The following SYNE1 variants were observed in gnomAD, a reference collection of about 807,000 sequenced individuals.
SYNE1 encodes the protein nesprin-1.
SYNE1 carries 616 observed loss-of-function variants against 1,111.0 expected under a neutral mutation model. The observed-to-expected ratio is 0.55, with a 90% CI of 0.52 to 0.59. The LOEUF (loss-of-function observed/expected upper bound fraction) is 0.59, where lower values mean the gene tolerates loss of function less well. Ranked by LOEUF, SYNE1 falls within the 20% of genes least tolerant of loss-of-function variation. SYNE1 has a pLI of 0.00. For missense variants in SYNE1, 10,006 were observed against 10,417.0 expected, an observed-to-expected ratio of 0.96 and a Z score of 1.72; for synonymous variants, 3,855 against 3,825.8, an observed-to-expected ratio of 1.01 and a Z score of -0.28.
chr6:152,393,023 G>A (rs976333362), intron 51 of SYNE1, among the ~76,000 whole-genome samples: 3 of 152,206 alleles, frequency 2.0e-5, no homozygotes, highest in African/African-American at 7.2e-5. Flanking sequence ...GAGCAGAACA[G>A]TGTGTTAGGA....
chr6:152,313,468 T>C (rs1261764258), intron 87 of SYNE1, among the ~76,000 whole-genome samples: 2 of 150,128 alleles, frequency 1.3e-5, no homozygotes, highest in African/African-American at 2.5e-5. Context: ...TCTTTTCTTT[T>C]TTTTTTTTTT....
chr6:152,605,796 G>C (rs1236811009), intron 3 of SYNE1, among the ~76,000 whole-genome samples: 2 of 152,010 alleles, frequency 1.3e-5, no homozygotes, highest in African/African-American at 2.4e-5. Flanking sequence ...TGTGATTAAG[G>C]CTTGGTGTTT....
chr6:152,589,792 C>T (rs1332567384), intron 3 of SYNE1, among the ~76,000 whole-genome samples: 1 of 152,098 alleles, frequency 6.6e-6, no homozygotes, highest in Non-Finnish European at 1.5e-5. Context: ...ACTACTTTAG[C>T]AAACCTTAGC....
At chr6:152,520,648 A>T in intron 5 of SYNE1, 106 bp from the exon 6 acceptor site, 1 of 1,252,426 alleles carries the variant, frequency 8.0e-7, no homozygotes, top group Non-Finnish European at 1.1e-6. Flanking sequence ...AGAATATTCA[A>T]AAGCAACCAA....
chr6:152,382,258 T>C (rs2097432128), intron 55 of SYNE1, among the ~76,000 whole-genome samples: 1 of 152,128 alleles, frequency 6.6e-6, no homozygotes, highest in African/African-American at 2.4e-5. Context: ...AATTATGACT[T>C]TACTACCGGA....
At chr6:152,625,607 T>C (rs1409950393) in intron 3 of SYNE1, among the ~76,000 whole-genome samples, 1 of 152,218 alleles carries the variant, frequency 6.6e-6, no homozygotes, top group Non-Finnish European at 1.5e-5. Flanking sequence ...CTTCTAACTT[T>C]GTCAGGTACC....
chr6:152,424,354 C>T (rs936814533), intron 39 of SYNE1, among the ~76,000 whole-genome samples: 3 of 152,350 alleles, frequency 2.0e-5, no homozygotes, highest in East Asian at 1.9e-4. Context: ...TGCCTTCACA[C>T]ATTGGTATCA....
chr6:152,314,958 C>T (rs1337082500), intron 87 of SYNE1, among the ~76,000 whole-genome samples: 2 of 139,278 alleles, frequency 1.4e-5, no homozygotes, highest in Non-Finnish European at 3.2e-5. Flanking sequence ...CGCCACTGAG[C>T]TACAGCCTGG....
chr6:152,558,001 A>G (rs1400610390), intron 3 of SYNE1, among the ~76,000 whole-genome samples: 1 of 152,186 alleles, frequency 6.6e-6, no homozygotes, highest in African/African-American at 2.4e-5. Context: ...TAAAGCTACA[A>G]CAATTTGTTA....
chr6:152,449,551 C>A lies in SYNE1; in HGVS notation c.3486G>T (p.Glu1162Asp), dbSNP rs1196776351. The A allele has an allele frequency of 1.9e-6, 3 of 1,613,926 alleles. No homozygotes were observed. The highest frequency in any genetic ancestry group is 4.5e-5 in the East Asian group (2 of 44,890). Residue 1162 changes from glutamate (E) to aspartate (D), a missense_variant, in exon 28 of 146, where the codon GAG (glutamate) becomes GAT (aspartate). Physicochemically the swap from Glu to Asp is conservative, Grantham distance 45 (BLOSUM62 2). Transcript: ENST00000367255. Reference protein sequence around the residue: ...GEAIDTANHGEVKRAVEEIRN... With the variant: ...GEAIDTANHGDVKRAVEEIRN... The stretch of plus-strand genomic sequence containing the variant: ...AACTTACTTCAACGGCACGTTTAAC[C>A]TCTCCGTGGTTGGCAGTATCGATGG...
intron 63 of SYNE1, among the ~76,000 whole-genome samples, chr6:152,363,386 C>G (rs930431518): frequency 6.7e-6 from 1 of 149,864 alleles, no homozygotes; most frequent in Non-Finnish European, 1.5e-5. Flanking sequence ...ACCAGCTACT[C>G]GAGAGGCTGA....
At chr6:152,409,019 G>A (rs543726195) in intron 44 of SYNE1, 49 bp downstream of exon 44, 45 of 1,577,362 alleles carry the variant, frequency 2.9e-5, no homozygotes, top group Non-Finnish European at 3.6e-5. Context: ...ATTTGATTGG[G>A]GAATGTGAAT....
At chr6:152,431,281 G>T (rs1403317601) in intron 34 of SYNE1, among the ~76,000 whole-genome samples, 1 of 152,116 alleles carries the variant, frequency 6.6e-6, no homozygotes, top group Non-Finnish European at 1.5e-5. Context: ...TATTCTCCGG[G>T]ATTCAGACTT....
chr6:152,395,416 C>G (rs1460594378), intron 51 of SYNE1, 100 bp downstream of exon 51: 1 of 1,307,014 alleles, frequency 7.7e-7, no homozygotes, highest in African/African-American at 1.5e-5. Context: ...CCACTACCCA[C>G]AAACCAACTA....
intron 142 of SYNE1, 42 bp downstream of exon 142, chr6:152,135,062 T>C: frequency 7.4e-6 from 12 of 1,613,778 alleles, no homozygotes; most frequent in Non-Finnish European, 1.0e-5. Context: ...AATGCAACCC[T>C]GCTAAAAATA....
chr6:152,222,814 C>T (rs4870084), intron 117 of SYNE1, among the ~76,000 whole-genome samples: 28,319 of 152,030 alleles, frequency 0.19, 3,069 homozygotes, highest in Admixed American at 0.35. Context: ...AGTGATCCAC[C>T]GTACAGAATG....
intron 8 of SYNE1, among the ~76,000 whole-genome samples, chr6:152,505,751 A>C (rs2099054568): frequency 6.6e-6 from 1 of 152,232 alleles, no homozygotes. Context: ...AAATCAATTT[A>C]GAGAAAAATG....
chr6:152,331,173 C>T lies in SYNE1; in HGVS notation c.13512G>A (p.Lys4504=). Reference sequence around the variant, plus strand: ...GTCCAGTGACTTCATTTTGGTAAGTCTTGAGGCTGGCTTGTGCACTCTTAC... The same window carrying T: ...GTCCAGTGACTTCATTTTGGTAAGTTTTGAGGCTGGCTTGTGCACTCTTAC... ...KTCKSAQASL[K]TYQNEVTGLW... is the part of the protein sequence containing the mutation. Residue 4504 remains lysine (K), a synonymous_variant, in exon 78 of 146, where the codon AAG becomes AAA. Transcript: ENST00000367255. The T allele has an allele frequency of 6.2e-7, 1 of 1,614,054 alleles. No individual in the cohort carries two copies. Among genetic ancestry groups the T allele is most frequent in the Non-Finnish European group, 8.5e-7 (1 of 1,180,026 alleles).
At position 152,350,784 on chromosome 6, in the gene SYNE1, G is replaced by GC. The variant is rs2096727784; in HGVS notation, c.11581-15_11581-14insG. On this transcript the variant is annotated splice_polypyrimidine_tract_variant and intron_variant, in intron 70 of 145. Transcript: ENST00000367255. ...TTGTTGAAGTGACTTGAATTACAAAGAAAAAAAAATGAGCCTGCTCATCTC... is the reference window on the plus strand; with the variant it reads ...TTGTTGAAGTGACTTGAATTACAAAGCAAAAAAAAATGAGCCTGCTCATCTC... The GC allele has an allele frequency of 3.2e-6, 5 of 1,574,334 alleles. No individual in the cohort carries two copies. The African/African-American group carries it at 6.8e-5, about 21-fold the overall frequency.
Sources: allele counts gnomAD v4.1 joint callset (sites outside exome capture counted in the v4.1 genomes callset), GRCh38; gene constraint gnomAD v4.1.1; transcripts MANE v1.5; gene names NCBI Gene and HGNC (gene_info 2026-07-23, HGNC 2026-07-21).